Variants in FOXP2 observed in about 807,000 individuals in gnomAD.
The protein encoded by FOXP2 is forkhead box protein P2.
FOXP2 carries 12 observed loss-of-function variants against 115.8 expected under a neutral mutation model. That is an observed-to-expected ratio of 0.10 (90% CI 0.07 to 0.17). The LOEUF (loss-of-function observed/expected upper bound fraction) is 0.17, where lower values mean the gene tolerates loss of function less well. FOXP2 is among the 10% of genes least tolerant of loss of function. The probability of loss-of-function intolerance (pLI) is 1.00; values close to 1 mark genes in which losing one functional copy is unlikely to be tolerated. For synonymous variants in FOXP2, 328 were observed against 297.7 expected (o/e 1.10, Z -1.05); for missense variants, 629 against 843.5 (o/e 0.75, Z 3.15).
chr7:114,543,536 T>G (rs1799781244), intron 3 of FOXP2, among the ~76,000 whole-genome samples: 1 of 145,498 alleles, frequency 6.9e-6, no homozygotes, highest in Admixed American at 6.7e-5. Flanking sequence ...ATTTTAAATT[T>G]TCAAAAAAGA....
At chr7:114,255,645 C>T (rs1015530183) in intron 1 of FOXP2, among the ~76,000 whole-genome samples, 12 of 152,134 alleles carry the variant, frequency 7.9e-5, no homozygotes, top group East Asian at 1.9e-4. Context: ...ATTGGAAAAG[C>T]GCAGTATTAA....
In FOXP2 at chr7:114,691,196, ATGT is replaced by A. The variant is rs1209749139; in HGVS notation, c.*1275_*1277del. 1.1e-5 allele frequency: 5 copies of A among 453,900 alleles called. No homozygotes were observed. The allele number at this position is 453,900 out of a possible 1,614,324, so 28.1% of individuals were successfully genotyped here. ...GTCAGTTATTTTCAGTGGTGAATAC[ATGT>A]TGTTAGAAGATGTCTTGTATGGTCT... On this transcript the variant is annotated 3_prime_UTR_variant, in exon 17 of 17. Transcript: ENST00000350908.
chr7:114,454,926 G>A (rs1482012386), intron 2 of FOXP2, among the ~76,000 whole-genome samples: 9 of 139,258 alleles, frequency 6.5e-5, no homozygotes, highest in African/African-American at 1.9e-4. Context: ...GCTAGATGAC[G>A]AGTTAGTGGG....
intron 1 of FOXP2, among the ~76,000 whole-genome samples, chr7:114,116,865 T>A (rs1584488075): frequency 6.6e-6 from 1 of 152,144 alleles, no homozygotes; most frequent in African/African-American, 2.4e-5. Flanking sequence ...AGGGTACTTA[T>A]GCCTTTCCAC....
intron 2 of FOXP2, among the ~76,000 whole-genome samples, chr7:114,525,642 T>G (rs1486353752): frequency 6.6e-6 from 1 of 152,176 alleles, no homozygotes; most frequent in Non-Finnish European, 1.5e-5. Flanking sequence ...TTTTCTGAAT[T>G]AGTTGAGACC....
At chr7:114,598,966 C>T (rs1270415259) in intron 3 of FOXP2, among the ~76,000 whole-genome samples, 1 of 152,128 alleles carries the variant, frequency 6.6e-6, no homozygotes, top group Admixed American at 6.6e-5. Context: ...TTCCCATATT[C>T]ATTCTTATAG....
chr7:114,690,415 CAGG>C lies in FOXP2; in HGVS notation c.*492_*494del, dbSNP rs777587918. On this transcript the variant is annotated 3_prime_UTR_variant, in exon 17 of 17. Coordinates refer to ENST00000350908, the MANE Select transcript of FOXP2 (RefSeq NM_014491.4). ...TTGTTGCTATTGTTTTTAATTTGCA[CAGG>C]AGTAGTATCAGAAATTAGTGTCACT... The C allele has an allele frequency of 6.6e-6, 3 of 453,772 alleles. No homozygotes were observed. The highest frequency in any genetic ancestry group is 1.3e-5 in the Non-Finnish European group (3 of 226,708). The allele number at this position is 453,772 out of a possible 1,614,324, so 28.1% of individuals were successfully genotyped here.
intron 1 of FOXP2, among the ~76,000 whole-genome samples, chr7:114,283,335 A>G (rs1281908115): frequency 1.3e-5 from 2 of 152,182 alleles, no homozygotes; most frequent in Non-Finnish European, 2.9e-5. Context: ...ATCAAGAACT[A>G]TATAACACAT....
At chr7:114,636,857 C>T (rs1367524623) in intron 6 of FOXP2, among the ~76,000 whole-genome samples, 1 of 152,032 alleles carries the variant, frequency 6.6e-6, no homozygotes, top group African/African-American at 2.4e-5. Flanking sequence ...AGATACTCCA[C>T]AAACTCTGAA....
chr7:114,463,287 A>G (rs1296188391), intron 2 of FOXP2: 1 of 221,628 alleles, frequency 4.5e-6, no homozygotes, highest in East Asian at 1.6e-4. Context: ...AAAATCAAAT[A>G]GGCATCTCAT....
intron 1 of FOXP2, chr7:114,088,318 TGGGA>T: frequency 6.6e-6 from 1 of 152,604 alleles, no homozygotes; most frequent in Non-Finnish European, 1.5e-5. Context: ...GAAGGACCTG[TGGGA>T]GTGTGTAAGG....
At chr7:114,678,532 C>T (rs934827420) in intron 16 of FOXP2, among the ~76,000 whole-genome samples, 15 of 133,938 alleles carry the variant, frequency 1.1e-4, no homozygotes, top group East Asian at 2.1e-4. Flanking sequence ...TACTTCTCTC[C>T]GGAAATAAGT....
chr7:114,155,906 G>T (rs556127874), intron 1 of FOXP2, among the ~76,000 whole-genome samples: 1 of 152,244 alleles, frequency 6.6e-6, no homozygotes, highest in South Asian at 2.1e-4. Context: ...TTTCTGGGGG[G>T]TTGCATCCCT....
chr7:114,197,311 A>T (rs1793938629), intron 1 of FOXP2, among the ~76,000 whole-genome samples: 1 of 152,232 alleles, frequency 6.6e-6, no homozygotes, highest in Admixed American at 6.5e-5. Context: ...GTAAACAACA[A>T]AAATTTATTT....
intron 2 of FOXP2, among the ~76,000 whole-genome samples, chr7:114,511,961 G>C (rs1798098753): frequency 6.6e-6 from 1 of 151,910 alleles, no homozygotes; most frequent in Non-Finnish European, 1.5e-5. Context: ...AAAACACCAA[G>C]TAAATGAATA....
intron 1 of FOXP2, among the ~76,000 whole-genome samples, chr7:114,271,501 T>C (rs1423963588): frequency 7.5e-6 from 1 of 132,904 alleles, no homozygotes; most frequent in East Asian, 2.0e-4. Flanking sequence ...TATATAAATA[T>C]ATTAATAATA....
In FOXP2 at chr7:114,691,836, C is replaced by T. The variant is rs1450022121; in HGVS notation, c.*1910C>T. The T allele has an allele frequency of 8.8e-6, 4 of 452,086 alleles. No homozygotes were observed. Among genetic ancestry groups the T allele is most frequent in the Non-Finnish European group, 1.8e-5 (4 of 226,206 alleles). The allele number at this position is 452,086 out of a possible 1,614,324, so 28.0% of individuals were successfully genotyped here. ...TCAGCAAATAGAGTTAGAGAGATAC[C>T]CAGTCATCTATCACACCAAATAAAA... On this transcript the variant is annotated 3_prime_UTR_variant, in exon 17 of 17. Transcript: ENST00000350908.
At chr7:114,184,523 A>G (rs376715971) in intron 1 of FOXP2, among the ~76,000 whole-genome samples, 150 of 152,276 alleles carry the variant, frequency 9.9e-4, no homozygotes, top group Middle Eastern at 3.4e-3. Context: ...AGTCATTATG[A>G]TTGTCACTCG....
chr7:114,212,086 A>C (rs1342756743), intron 1 of FOXP2, among the ~76,000 whole-genome samples: 1 of 35,228 alleles, frequency 2.8e-5, no homozygotes, highest in East Asian at 3.5e-4. Context: ...AAATAAAATA[A>C]AATAAAATAA....
Sources: allele counts gnomAD v4.1 joint callset (sites outside exome capture counted in the v4.1 genomes callset), GRCh38; gene constraint gnomAD v4.1.1; transcripts MANE v1.5; gene names NCBI Gene and HGNC (gene_info 2026-07-23, HGNC 2026-07-21).